The following TAFA4 variants were observed in gnomAD, a reference collection of about 807,000 sequenced individuals.
The protein encoded by TAFA4 is chemokine-like protein TAFA-4.
Under a neutral mutation model 21.1 loss-of-function variants are expected in TAFA4, and 20 were observed. The ratio of observed to expected loss-of-function variants is 0.95; its 90% CI spans 0.67 to 1.38. The LOEUF (loss-of-function observed/expected upper bound fraction) is 1.38. Among genes scored for constraint, TAFA4 ranks in the 40% most tolerant of loss-of-function variants. The pLI is 0.00. For synonymous variants in TAFA4, 71 were observed against 67.4 expected, an observed-to-expected ratio of 1.05 and a Z score of -0.26; for missense variants, 211 against 180.9, an observed-to-expected ratio of 1.17 and a Z score of -0.95.
intron 3 of TAFA4, among the ~76,000 whole-genome samples, chr3:68,814,229 G>A (rs1368473934): frequency 2.0e-5 from 3 of 152,090 alleles, no homozygotes; most frequent in Non-Finnish European, 2.9e-5. Context: ...GGGCAAAAAT[G>A]GGAAGCATTC....
At chr3:68,864,127 C>T (rs2089386837) in intron 3 of TAFA4, among the ~76,000 whole-genome samples, 1 of 151,960 alleles carries the variant, frequency 6.6e-6, no homozygotes, top group Admixed American at 6.6e-5. Context: ...AAAACTTCTG[C>T]TCCTCAAAAA....
Position 68,737,989 on chromosome 3 carries a change from A to G in TAFA4, c.411+1086T>C, listed in dbSNP as rs557597714. ...CATCTGGCTCTGGGACTAGCAGGGA[A>G]AGCAAAAACAAAGCCAGGGCCCAAC... On this transcript the variant is annotated intron_variant, in intron 5 of 5. Transcript: ENST00000295569. 3.3e-5 allele frequency among the ~76,000 whole-genome samples: 5 copies of G among 152,310 alleles called. No individual in the cohort carries two copies. The East Asian group carries it at 9.6e-4, about 29-fold the overall frequency.
intron 3 of TAFA4, among the ~76,000 whole-genome samples, chr3:68,783,844 T>C (rs1394295419): frequency 1.3e-5 from 2 of 152,152 alleles, no homozygotes; most frequent in Non-Finnish European, 2.9e-5. Flanking sequence ...AAAAAGATTG[T>C]TGAGACTTCA....
intron 3 of TAFA4, among the ~76,000 whole-genome samples, chr3:68,812,677 A>C (rs1391458630): frequency 6.6e-6 from 1 of 152,224 alleles, no homozygotes. Context: ...TCATAAAGCA[A>C]GTCCTTAGAG....
chr3:68,913,949 C>T (rs1432903488), intron 1 of TAFA4, among the ~76,000 whole-genome samples: 1 of 152,138 alleles, frequency 6.6e-6, no homozygotes, highest in East Asian at 1.9e-4. Flanking sequence ...AAAATAAGTG[C>T]TATATGTGTG....
intron 4 of TAFA4, among the ~76,000 whole-genome samples, chr3:68,748,669 G>T (rs1002444701): frequency 2.0e-5 from 3 of 151,864 alleles, no homozygotes; most frequent in Non-Finnish European, 4.4e-5. Flanking sequence ...ACTTGAACCC[G>T]GGAGGCAGAG....
rs190563944 is a variant in TAFA4 at position 68,806,504 on chromosome 3, C to T, written c.131-53486G>A. Among the ~76,000 whole-genome samples, 921 of 152,258 alleles carry T rather than the reference C, an allele frequency of 6.0e-3. 10 individuals are homozygous for T. The highest frequency in any genetic ancestry group is 0.021 in the African/African-American group (889 of 41,550). On this transcript the variant is annotated intron_variant, in intron 3 of 5. Transcript: ENST00000295569. ...AAAAGTTTTTACCCTAACTCTTTTA[C>T]ATACAAGAGTTGGCCAAGAGTATAT...
At chr3:68,907,354 GCCT>G (rs2089912322) in intron 1 of TAFA4, among the ~76,000 whole-genome samples, 1 of 152,184 alleles carries the variant, frequency 6.6e-6, no homozygotes, top group African/African-American at 2.4e-5. Flanking sequence ...TTTGGAGAAT[GCCT>G]GGATCCTCAT....
intron 3 of TAFA4, among the ~76,000 whole-genome samples, chr3:68,828,740 T>A (rs1241163777): frequency 1.3e-5 from 2 of 152,236 alleles, no homozygotes. Context: ...ATCCTGAGAC[T>A]CTGCTGAAGT....
intron 3 of TAFA4, among the ~76,000 whole-genome samples, chr3:68,830,656 T>C (rs1314155736): frequency 6.6e-6 from 1 of 152,234 alleles, no homozygotes; most frequent in African/African-American, 2.4e-5. Flanking sequence ...GAGAAGAATG[T>C]ATATTCCGTT....
intron 3 of TAFA4, among the ~76,000 whole-genome samples, chr3:68,855,015 A>C (rs895359241): frequency 1.3e-5 from 2 of 152,182 alleles, no homozygotes; most frequent in Non-Finnish European, 2.9e-5. Context: ...TAAAAATCAT[A>C]ATAGGGGACA....
At chr3:68,743,359 T>C (rs1380511297) in intron 4 of TAFA4, among the ~76,000 whole-genome samples, 1 of 152,004 alleles carries the variant, frequency 6.6e-6, no homozygotes, top group East Asian at 1.9e-4. Flanking sequence ...GCAGATCACT[T>C]GAGGTCAAGA....
In TAFA4 at chr3:68,752,996, C is replaced by T. The variant is rs148555861; in HGVS notation, c.153G>A (p.Gly51=). ...GHAGHHQIKQ[G]TCEVVAVHRC... ...TGTGCACGGCGACCACCTCACAGGT[C>T]CCTTGCTTGATTTGGTGGTGACCTA... is the stretch of plus-strand genomic sequence containing the variant. Residue 51 remains glycine (G), a synonymous_variant, in exon 4 of 6, where the codon GGG becomes GGA. Coordinates refer to ENST00000295569, the MANE Select transcript of TAFA4 (RefSeq NM_182522.5). The T allele has an allele frequency of 8.7e-5, 140 of 1,613,526 alleles. No individual in the cohort carries two copies. The highest frequency in any genetic ancestry group is 1.2e-4 in the Non-Finnish European group (140 of 1,179,856).
chr3:68,775,797 C>T (rs77605175), intron 3 of TAFA4, among the ~76,000 whole-genome samples: 12,933 of 152,110 alleles, frequency 0.085, 667 homozygotes, highest in African/African-American at 0.14. Flanking sequence ...GACCCAACTC[C>T]TGGCCTGATA....
intron 1 of TAFA4, among the ~76,000 whole-genome samples, chr3:68,885,937 C>T (rs1250151332): frequency 6.6e-6 from 1 of 152,074 alleles, no homozygotes; most frequent in East Asian, 1.9e-4. Context: ...TTAGTGAACA[C>T]ATTTGTAAAA....
intron 1 of TAFA4, among the ~76,000 whole-genome samples, chr3:68,923,842 A>G (rs1423896479): frequency 6.6e-6 from 1 of 152,142 alleles, no homozygotes; most frequent in African/African-American, 2.4e-5. Context: ...AGAATGAATA[A>G]TCTACTAAGA....
chr3:68,895,487 A>G (rs960687703), intron 1 of TAFA4, among the ~76,000 whole-genome samples: 1 of 152,144 alleles, frequency 6.6e-6, no homozygotes, highest in Non-Finnish European at 1.5e-5. Context: ...GTATATGTGC[A>G]TGGGTTTGTT....
chr3:68,814,157 G>A (rs1298742877), intron 3 of TAFA4, among the ~76,000 whole-genome samples: 2 of 152,106 alleles, frequency 1.3e-5, no homozygotes, highest in Non-Finnish European at 1.5e-5. Context: ...GGTATTGATG[G>A]GATGTATCTC....
intron 2 of TAFA4, among the ~76,000 whole-genome samples, chr3:68,884,395 T>C (rs1428697860): frequency 6.6e-6 from 1 of 152,204 alleles, no homozygotes; most frequent in Admixed American, 6.5e-5. Context: ...ATGGCTCCAG[T>C]TCCTGCCAGA....
Sources: gnomAD v4.1 joint callset for allele counts (sites outside exome capture counted in the v4.1 genomes callset) on GRCh38, gnomAD v4.1.1 for gene constraint, MANE v1.5 for transcripts, NCBI Gene and HGNC (gene_info 2026-07-23, HGNC 2026-07-21) for gene names.